PRUNE2: variants seen among roughly 807,000 people sequenced by gnomAD.
PRUNE2 encodes the protein prune homolog 2 with BCH domain.
PRUNE2 carries 164 observed loss-of-function variants against 252.0 expected under a neutral mutation model. That is an observed-to-expected ratio of 0.65 (90% CI 0.57 to 0.74). The LOEUF (loss-of-function observed/expected upper bound fraction) is 0.74, where lower values mean the gene tolerates loss of function less well. Ranked by LOEUF, PRUNE2 falls within the 30% of genes least tolerant of loss-of-function variation. The pLI is 0.00. For missense variants in PRUNE2, 3,495 were observed against 3,711.0 expected (o/e 0.94, Z 1.51); for synonymous variants, 1,292 against 1,350.2 (o/e 0.96, Z 0.94).
chr9:76,789,496 G>A (rs920843081), intron 6 of PRUNE2, among the ~76,000 whole-genome samples: 3 of 152,210 alleles, frequency 2.0e-5, no homozygotes, highest in Non-Finnish European at 2.9e-5. Context: ...GGGCTCCAAT[G>A]TGGAGGCCTC....
chr9:76,840,765 G>A (rs982702035), intron 4 of PRUNE2, among the ~76,000 whole-genome samples: 1 of 152,178 alleles, frequency 6.6e-6, no homozygotes, highest in Admixed American at 6.5e-5. Context: ...CAGATCACCT[G>A]AGGTCAGGAG....
chr9:76,722,374 C>T (rs2047724667), intron 6 of PRUNE2, among the ~76,000 whole-genome samples: 1 of 151,954 alleles, frequency 6.6e-6, no homozygotes, highest in South Asian at 2.1e-4. Flanking sequence ...CCAGCCTACA[C>T]TCTATTGTTC....
chr9:76,669,762 C>G (rs899589284), intron 9 of PRUNE2, among the ~76,000 whole-genome samples: 2 of 152,174 alleles, frequency 1.3e-5, no homozygotes, highest in African/African-American at 4.8e-5. Context: ...TGGGGCAACC[C>G]TCACTTGGCT....
chr9:76,834,554 T>C (rs1458505274), intron 4 of PRUNE2, among the ~76,000 whole-genome samples: 1 of 152,186 alleles, frequency 6.6e-6, no homozygotes, highest in Non-Finnish European at 1.5e-5. Context: ...GGGGATCTTA[T>C]TTTTTAAAGA....
intron 11 of PRUNE2, 188 bp downstream of exon 11, chr9:76,652,295 G>A (rs1847714003): frequency 3.4e-6 from 2 of 583,812 alleles, no homozygotes; most frequent in East Asian, 5.6e-5. Context: ...GGTTATGTAT[G>A]GCCTCTGTGA....
chr9:76,665,601 C>G (rs1269031816), intron 9 of PRUNE2, among the ~76,000 whole-genome samples: 1 of 152,230 alleles, frequency 6.6e-6, no homozygotes, highest in Non-Finnish European at 1.5e-5. Context: ...ACACCCAGTG[C>G]TTAGCACAGG....
intron 6 of PRUNE2, among the ~76,000 whole-genome samples, chr9:76,722,037 G>A (rs2047684293): frequency 6.6e-6 from 1 of 151,924 alleles, no homozygotes; most frequent in Admixed American, 6.6e-5. Flanking sequence ...GTTTTTTCCA[G>A]ATGTCATTTA....
At chr9:76,899,872 G>A (rs72735053) in intron 1 of PRUNE2, among the ~76,000 whole-genome samples, 15,885 of 152,206 alleles carry the variant, frequency 0.1, 1,083 homozygotes, top group South Asian at 0.23. Flanking sequence ...AGAGCTGGAG[G>A]AAAAGCCAGA....
rs1159233058 is a variant in PRUNE2 at position 76,850,662 on chromosome 9, T to G, written c.145A>C (p.Ser49Arg). The change falls in exon 3 of 19, where the codon AGT becomes CGT. Residue 49 changes from serine to arginine, a missense_variant. Physicochemically the swap from Ser to Arg is moderately radical, Grantham distance 110 (BLOSUM62 -1). Transcript: ENST00000376718. ...FTYAYFLDKV[S>R]PPGVLCLPVL... ...GGTAAACACAGAACCCCTGGTGGACTGACCTACCAAGAAAAAAGTTGACTG... is the reference window on the plus strand; with the variant it reads ...GGTAAACACAGAACCCCTGGTGGACGGACCTACCAAGAAAAAAGTTGACTG... The G allele has an allele frequency of 2.5e-6, 4 of 1,609,260 alleles. No homozygotes were observed. The highest frequency in any genetic ancestry group is 2.7e-5 in the African/African-American group (2 of 74,690).
intron 9 of PRUNE2, chr9:76,687,602 A>G (rs957363931): frequency 5.0e-6 from 2 of 397,594 alleles, no homozygotes; most frequent in Middle Eastern, 7.1e-4. Flanking sequence ...AAGCTTTGAC[A>G]GTTGTAGCTT....
intron 6 of PRUNE2, among the ~76,000 whole-genome samples, chr9:76,757,380 C>CT (rs2051252180): frequency 6.6e-6 from 1 of 152,118 alleles, no homozygotes; most frequent in Admixed American, 6.5e-5. Flanking sequence ...CAAAGAGAAG[C>CT]TTTTTTTGAT....
intron 6 of PRUNE2, among the ~76,000 whole-genome samples, chr9:76,732,993 G>A (rs755205584): frequency 1.8e-4 from 27 of 152,196 alleles, no homozygotes; most frequent in Non-Finnish European, 3.4e-4. Context: ...TCTGCTTCTC[G>A]TCTCCATTGC....
intron 6 of PRUNE2, among the ~76,000 whole-genome samples, chr9:76,729,120 A>G (rs2048354544): frequency 6.6e-6 from 1 of 152,220 alleles, no homozygotes; most frequent in Non-Finnish European, 1.5e-5. Context: ...TTTCTGATTA[A>G]AAGAACTCTC....
At chr9:76,815,587 A>G (rs1226852680) in intron 6 of PRUNE2, among the ~76,000 whole-genome samples, 2 of 152,184 alleles carry the variant, frequency 1.3e-5, no homozygotes, top group African/African-American at 2.4e-5. Context: ...GTACTACTTC[A>G]TTGGGGATTA....
intron 4 of PRUNE2, among the ~76,000 whole-genome samples, chr9:76,842,904 G>A (rs1198409157): frequency 6.6e-6 from 1 of 152,158 alleles, no homozygotes; most frequent in Non-Finnish European, 1.5e-5. Context: ...CCAGCATTGT[G>A]GAAGACAGTG....
chr9:76,841,693 T>G (rs919488954), intron 4 of PRUNE2, among the ~76,000 whole-genome samples: 1 of 152,236 alleles, frequency 6.6e-6, no homozygotes, highest in Non-Finnish European at 1.5e-5. Flanking sequence ...AAGTTCAGAC[T>G]GGGCAGAGCC....
At chr9:76,695,839 C>G (rs539811908) in intron 9 of PRUNE2, among the ~76,000 whole-genome samples, 1 of 152,064 alleles carries the variant, frequency 6.6e-6, no homozygotes, top group African/African-American at 2.4e-5. Flanking sequence ...GGGGGTTATA[C>G]TCTCATAGGT....
chr9:76,749,123 C>T (rs2050389496), intron 6 of PRUNE2, among the ~76,000 whole-genome samples: 1 of 152,170 alleles, frequency 6.6e-6, no homozygotes, highest in Non-Finnish European at 1.5e-5. Flanking sequence ...GATTACAAGA[C>T]GTCGGTTCCA....
At position 76,705,090 on chromosome 9, in the gene PRUNE2, G is replaced by A; in HGVS notation, c.7184C>T (p.Pro2395Leu). 1 of 1,613,988 alleles carries A rather than the reference G, an allele frequency of 6.2e-7. No individual in the cohort carries two copies. The highest frequency in any genetic ancestry group is 8.5e-7 in the Non-Finnish European group (1 of 1,179,882). ...TTCTGTGAGATAAGACAAATCAAAGGGAGGTGTGTACGGTGCCAGCGACTG... is the reference window on the plus strand; with the variant it reads ...TTCTGTGAGATAAGACAAATCAAAGAGAGGTGTGTACGGTGCCAGCGACTG... The part of the protein sequence containing the change: ...LKQSLAPYTP[P>L]FDLSYLTEPA... Residue 2395 changes from proline (P) to leucine (L), a missense_variant, in exon 8 of 19, where the codon CCC becomes CTC. Physicochemically the swap from Pro to Leu is moderately conservative, Grantham distance 98 (BLOSUM62 -3). Transcript: ENST00000376718.
Sources: gnomAD v4.1 joint callset for allele counts (sites outside exome capture counted in the v4.1 genomes callset) on GRCh38, gnomAD v4.1.1 for gene constraint, MANE v1.5 for transcripts, NCBI Gene and HGNC (gene_info 2026-07-23, HGNC 2026-07-21) for gene names.